NALCN: variants seen among roughly 807,000 people sequenced by gnomAD.
NALCN encodes sodium leak channel, non-selective, also known as sodium leak channel NALCN.
Under a neutral mutation model 225.3 loss-of-function variants are expected in NALCN, and 111 were observed. The observed-to-expected ratio is 0.49, with a 90% confidence interval of 0.42 to 0.58. The LOEUF (loss-of-function observed/expected upper bound fraction) is 0.58. NALCN is among the 20% of genes least tolerant of loss of function. NALCN has a pLI of 0.00. For synonymous variants in NALCN, 764 were observed against 769.0 expected, an observed-to-expected ratio of 0.99 and a Z score of 0.11; for missense variants, 1,378 against 2,202.4, an observed-to-expected ratio of 0.63 and a Z score of 7.49.
At chr13:101,093,732 C>G (rs2034356502) in intron 28 of NALCN, among the ~76,000 whole-genome samples, 1 of 152,134 alleles carries the variant, frequency 6.6e-6, no homozygotes, top group Non-Finnish European at 1.5e-5. Context: ...TGTTCCAGCT[C>G]CCTGTCTGAA....
rs74120024 is a variant in NALCN, at chr13:101,382,906, C to T, written c.292-4253G>A. On this transcript the variant is annotated intron_variant, in intron 3 of 43. Transcript: ENST00000251127. ...TATGCAGTGGTCAATCAGAATTGAC[C>T]TCTTTTTATTTTCCCAGTGAAGTAT... Among the ~76,000 whole-genome samples, 1,346 of 152,178 alleles carry T rather than the reference C, an allele frequency of 8.8e-3. 16 individuals carry two copies. The highest frequency in any genetic ancestry group is 0.025 in the African/African-American group (1,030 of 41,514).
intron 11 of NALCN, among the ~76,000 whole-genome samples, chr13:101,239,199 A>T (rs1486428060): frequency 6.6e-6 from 1 of 151,938 alleles, no homozygotes; most frequent in Admixed American, 6.6e-5. Context: ...TTGCAATTAC[A>T]TGTTTTTACA....
rs368826636 is a variant in NALCN at position 101,149,592 on chromosome 13, T to C, written c.1840-4696A>G. The stretch of plus-strand genomic sequence containing the variant: ...TTAGAACTCAGCACAACTTGGTCAT[T>C]GCGCTGTGAAACTACAAAGAACAGA... On this transcript the variant is annotated intron_variant, in intron 15 of 43. Transcript: ENST00000251127. Among the ~76,000 whole-genome samples, 17 of 152,356 alleles carry C rather than the reference T, an allele frequency of 1.1e-4. No homozygotes were observed. In the East Asian group the frequency reaches 3.1e-3, roughly 28 times the overall value.
At chr13:101,180,116 A>G (rs1202813730) in intron 14 of NALCN, among the ~76,000 whole-genome samples, 1 of 151,532 alleles carries the variant, frequency 6.6e-6, no homozygotes, top group African/African-American at 2.4e-5. Context: ...TCTTTTTCCA[A>G]TAAGGTCGTG....
intron 18 of NALCN, among the ~76,000 whole-genome samples, chr13:101,118,893 G>C (rs1463224837): frequency 6.6e-6 from 1 of 152,180 alleles, no homozygotes; most frequent in Non-Finnish European, 1.5e-5. Context: ...AGGGGACGCT[G>C]TAAGGTACTC....
intron 17 of NALCN, among the ~76,000 whole-genome samples, chr13:101,136,267 GT>G: frequency 6.6e-6 from 1 of 151,562 alleles, no homozygotes; most frequent in South Asian, 2.1e-4. Context: ...AGAAAAAATG[GT>G]TTGATTTTAT....
At position 101,089,750 on chromosome 13, in the gene NALCN, G is replaced by T; in HGVS notation, c.3402C>A (p.Ile1134=). 1 of 1,613,948 alleles carries T rather than the reference G, an allele frequency of 6.2e-7. No individual in the cohort carries two copies. Among genetic ancestry groups the T allele is most frequent in the Non-Finnish European group, 8.5e-7 (1 of 1,179,888 alleles). The change falls in exon 30 of 44, where the codon ATC becomes ATA. Residue 1134 remains isoleucine, a synonymous_variant. Coordinates refer to ENST00000251127, the MANE Select transcript of NALCN (RefSeq NM_052867.4). The surrounding 1 kb of genome is among the most constrained non-coding windows in gnomAD (Gnocchi z 4.7). ...IIHRVGPIHG[I]YIHVFVFLGC... is the part of the protein sequence containing the mutation. The stretch of plus-strand genomic sequence containing the variant: ...CCAGGAATACAAAAACATGAATATA[G>T]ATTCCATGGATCTGCATAAAGGAAA...
chr13:101,100,919 T>C (rs766479497), intron 26 of NALCN, 31 bp from the exon 27 acceptor site: 1 of 1,561,078 alleles, frequency 6.4e-7, no homozygotes, highest in Non-Finnish European at 8.7e-7. Flanking sequence ...GTTAAATCTC[T>C]TGTTAAAGAC....
intron 1 of NALCN, among the ~76,000 whole-genome samples, chr13:101,405,604 G>A (rs1042970890): frequency 3.3e-5 from 5 of 152,114 alleles, no homozygotes; most frequent in Non-Finnish European, 7.3e-5. Flanking sequence ...CTCCCTCCAT[G>A]AGGTCACCTC....
intron 26 of NALCN, among the ~76,000 whole-genome samples, chr13:101,101,619 G>C (rs577368721): frequency 6.6e-6 from 1 of 152,180 alleles, no homozygotes; most frequent in Non-Finnish European, 1.5e-5. Flanking sequence ...AAATGAGCGG[G>C]ACAGTGGCTT....
At chr13:101,092,290 G>C (rs1319060021) in intron 28 of NALCN, among the ~76,000 whole-genome samples, 1 of 152,168 alleles carries the variant, frequency 6.6e-6, no homozygotes, top group African/African-American at 2.4e-5. Context: ...GGGGAACATG[G>C]GGGCACCCTG....
At chr13:101,293,292 T>G (rs2043617650) in intron 7 of NALCN, among the ~76,000 whole-genome samples, 1 of 152,206 alleles carries the variant, frequency 6.6e-6, no homozygotes, top group Non-Finnish European at 1.5e-5. Flanking sequence ...TTTACTGTGT[T>G]GTAAGGATTT....
chr13:101,260,014 C>T (rs1324114735), intron 10 of NALCN, among the ~76,000 whole-genome samples: 1 of 152,006 alleles, frequency 6.6e-6, no homozygotes, highest in South Asian at 2.1e-4. Context: ...CCCTGCCTCC[C>T]CCCGTCCCCC....
intron 15 of NALCN, among the ~76,000 whole-genome samples, chr13:101,166,132 T>A (rs1439202555): frequency 6.6e-6 from 1 of 152,092 alleles, no homozygotes; most frequent in Non-Finnish European, 1.5e-5. Context: ...CCACATTTTG[T>A]TTATCTATTC....
intron 17 of NALCN, among the ~76,000 whole-genome samples, chr13:101,131,567 G>T (rs1013453949): frequency 1.3e-5 from 2 of 151,870 alleles, no homozygotes; most frequent in African/African-American, 4.8e-5. Context: ...TATCACTCTT[G>T]TTCCTGGCCT....
intron 12 of NALCN, among the ~76,000 whole-genome samples, chr13:101,236,278 G>C (rs2041550683): frequency 6.6e-6 from 1 of 152,200 alleles, no homozygotes; most frequent in Non-Finnish European, 1.5e-5. Flanking sequence ...TGCTGGAGAG[G>C]ATGTGGAGAA....
chr13:101,249,943 C>CA (rs1327688633), intron 11 of NALCN, among the ~76,000 whole-genome samples: 15 of 151,992 alleles, frequency 9.9e-5, no homozygotes, highest in African/African-American at 3.6e-4. Context: ...CGTGGAAAGA[C>CA]AAAACCTTAA....
chr13:101,109,937 T>C (rs1204150386), intron 20 of NALCN, among the ~76,000 whole-genome samples: 1 of 152,196 alleles, frequency 6.6e-6, no homozygotes, highest in Non-Finnish European at 1.5e-5. Context: ...GAAGAGATGA[T>C]GGAAAATAAA....
intron 7 of NALCN, among the ~76,000 whole-genome samples, chr13:101,313,218 C>T (rs577030175): frequency 2.6e-5 from 4 of 152,094 alleles, no homozygotes; most frequent in African/African-American, 7.2e-5. Context: ...AGACCTAAAA[C>T]CATAAAAACC....
Sources: allele counts gnomAD v4.1 joint callset (sites outside exome capture counted in the v4.1 genomes callset), GRCh38; gene constraint gnomAD v4.1.1; non-coding constraint Gnocchi (gnomAD v3.1); transcripts MANE v1.5; gene names NCBI Gene and HGNC (gene_info 2026-07-23, HGNC 2026-07-21).